Variants in ROR2 observed in about 807,000 individuals in gnomAD.
ROR2 encodes the protein ROR family WNT receptor 2.
A neutral mutation model predicts 74.9 loss-of-function variants in ROR2; 33 were observed. That is an observed-to-expected ratio of 0.44 (90% CI 0.33 to 0.59). The LOEUF (loss-of-function observed/expected upper bound fraction) is 0.59, where lower values mean the gene tolerates loss of function less well. Ranked by LOEUF, ROR2 falls within the 20% of genes least tolerant of loss-of-function variation. The pLI is 0.02. For missense variants in ROR2, 1,216 were observed against 1,313.8 expected (o/e 0.93, Z 1.15); for synonymous variants, 586 against 558.7 (o/e 1.05, Z -0.69).
chr9:91,847,015 A>G (rs1472940989), intron 1 of ROR2, among the ~76,000 whole-genome samples: 2 of 152,124 alleles, frequency 1.3e-5, no homozygotes, highest in African/African-American at 4.8e-5. Flanking sequence ...TGCAGACATC[A>G]CAAGCTGAGG....
intron 1 of ROR2, among the ~76,000 whole-genome samples, chr9:91,805,924 A>C (rs1213695118): frequency 1.3e-5 from 2 of 151,922 alleles, no homozygotes; most frequent in Non-Finnish European, 2.9e-5. Context: ...AACTATCACC[A>C]CTCCAGAGAA....
At chr9:91,760,495 G>A (rs554022023) in intron 2 of ROR2, among the ~76,000 whole-genome samples, 85 of 152,184 alleles carry the variant, frequency 5.6e-4, no homozygotes, top group Non-Finnish European at 5.9e-4. Flanking sequence ...TTAGCCAGGC[G>A]AGGTGGCGGG....
At chr9:91,805,602 G>C (rs1412601678) in intron 1 of ROR2, among the ~76,000 whole-genome samples, 1 of 152,228 alleles carries the variant, frequency 6.6e-6, no homozygotes, top group Non-Finnish European at 1.5e-5. Flanking sequence ...AGGAGTGGCA[G>C]AGGAAGAAAT....
chr9:91,847,538 A>C (rs1828967769), intron 1 of ROR2, among the ~76,000 whole-genome samples: 2 of 152,196 alleles, frequency 1.3e-5, no homozygotes, highest in South Asian at 2.1e-4. Context: ...GCGCCAGAGG[A>C]GGCCCTGCAG....
intron 1 of ROR2, among the ~76,000 whole-genome samples, chr9:91,848,733 C>T (rs145932680): frequency 3.5e-3 from 478 of 136,872 alleles, no homozygotes; most frequent in African/African-American, 0.012. Flanking sequence ...CCAGGCTGGG[C>T]GACAGAGTGA....
At chr9:91,752,320 T>C (rs1303280342) in intron 4 of ROR2, among the ~76,000 whole-genome samples, 1 of 152,258 alleles carries the variant, frequency 6.6e-6, no homozygotes, top group East Asian at 1.9e-4. Flanking sequence ...TAGTCAAGCC[T>C]GGAATCTGCT....
chr9:91,907,184 A>G (rs1830842371), intron 1 of ROR2, among the ~76,000 whole-genome samples: 1 of 152,172 alleles, frequency 6.6e-6, no homozygotes, highest in South Asian at 2.1e-4. Flanking sequence ...ACAGGAAGCC[A>G]TTTGTTCCAG....
intron 1 of ROR2, among the ~76,000 whole-genome samples, chr9:91,792,413 A>T (rs1432497229): frequency 6.9e-6 from 1 of 145,858 alleles, no homozygotes; most frequent in East Asian, 2.0e-4. Context: ...GGTTCACACC[A>T]TTCTCCTGCC....
At chr9:91,742,315 C>T (rs901626695) in intron 4 of ROR2, among the ~76,000 whole-genome samples, 1 of 152,184 alleles carries the variant, frequency 6.6e-6, no homozygotes, top group Non-Finnish European at 1.5e-5. Flanking sequence ...TCAATTACCT[C>T]CCCCTGGATC....
At chr9:91,771,923 A>T (rs1826243437) in intron 2 of ROR2, among the ~76,000 whole-genome samples, 1 of 152,238 alleles carries the variant, frequency 6.6e-6, no homozygotes, top group Admixed American at 6.5e-5. Context: ...TTTATACATC[A>T]TGACTGATGA....
At chr9:91,747,016 A>G (rs1228840005) in intron 4 of ROR2, among the ~76,000 whole-genome samples, 1 of 151,916 alleles carries the variant, frequency 6.6e-6, no homozygotes, top group East Asian at 1.9e-4. Context: ...CTTCCCTCCC[A>G]CTAGAAGCAG....
chr9:91,947,627 G>A (rs182837156), intron 1 of ROR2, among the ~76,000 whole-genome samples: 3 of 152,214 alleles, frequency 2.0e-5, no homozygotes, highest in Admixed American at 6.5e-5. Flanking sequence ...GGGGGCTGGG[G>A]GGACCCTAAT....
At chr9:91,912,320 CTTA>C (rs1252347278) in intron 1 of ROR2, among the ~76,000 whole-genome samples, 1 of 151,994 alleles carries the variant, frequency 6.6e-6, no homozygotes, top group Admixed American at 6.5e-5. Context: ...AAATTTCCTA[CTTA>C]TTAGTACAGT....
intron 1 of ROR2, among the ~76,000 whole-genome samples, chr9:91,786,158 C>A (rs1337253113): frequency 5.3e-3 from 301 of 56,326 alleles, no homozygotes; most frequent in Middle Eastern, 0.013. Context: ...CTGTTTCTAC[C>A]AAAAAAAAAA....
At chr9:91,836,658 C>G (rs1333462263) in intron 1 of ROR2, among the ~76,000 whole-genome samples, 1 of 152,262 alleles carries the variant, frequency 6.6e-6, no homozygotes, top group Non-Finnish European at 1.5e-5. Flanking sequence ...CCCTGCCCCA[C>G]CCCCGGTCTG....
At chr9:91,728,228 T>C (rs560515127) in intron 7 of ROR2, among the ~76,000 whole-genome samples, 6 of 152,254 alleles carry the variant, frequency 3.9e-5, no homozygotes, top group South Asian at 2.1e-4. Flanking sequence ...TTTCAAAAGA[T>C]AGTATTTCTA....
At chr9:91,761,796 A>G (rs1340302858) in intron 2 of ROR2, among the ~76,000 whole-genome samples, 1 of 152,184 alleles carries the variant, frequency 6.6e-6, no homozygotes, top group Non-Finnish European at 1.5e-5. Context: ...CAAAGAATTG[A>G]AACTCACCAG....
At chr9:91,741,301 GTAGTAATAATAATAATAATAA>G (rs1414955355) in intron 4 of ROR2, among the ~76,000 whole-genome samples, 1 of 100,608 alleles carries the variant, frequency 9.9e-6, no homozygotes, top group African/African-American at 3.4e-5. Context: ...TCTGTCTCAA[GTAGTAATAATAATAATAATAA>G]TAATAATAAT....
chr9:91,903,702 G>A (rs894892682), intron 1 of ROR2, among the ~76,000 whole-genome samples: 4 of 152,072 alleles, frequency 2.6e-5, no homozygotes, highest in East Asian at 3.9e-4. Flanking sequence ...ACCCCTTCCC[G>A]GTGAGCATTC....
Sources: allele counts gnomAD v4.1 joint callset (sites outside exome capture counted in the v4.1 genomes callset), GRCh38; gene constraint gnomAD v4.1.1; transcripts MANE v1.5; gene names NCBI Gene and HGNC (gene_info 2026-07-23, HGNC 2026-07-21).